PCDHGA6: variants seen among roughly 807,000 people sequenced by gnomAD.
PCDHGA6 encodes protocadherin gamma-A6.
PCDHGA6 carries 41 observed loss-of-function variants against 60.6 expected under a neutral mutation model. The observed-to-expected ratio is 0.68, with a 90% CI of 0.53 to 0.88. PCDHGA6 has a LOEUF of 0.88. Ranked by LOEUF, PCDHGA6 falls within the 40% of genes least tolerant of loss-of-function variation. The pLI, the probability that PCDHGA6 is intolerant of heterozygous loss-of-function variation, is 0.00. For missense variants in PCDHGA6, 1,312 were observed against 1,203.0 expected, an observed-to-expected ratio of 1.09 and a Z score of -1.34; for synonymous variants, 594 against 524.4, an observed-to-expected ratio of 1.13 and a Z score of -1.81.
chr5:141,448,122 C>A (rs1315243727), intron 1 of PCDHGA6, among the ~76,000 whole-genome samples: 1 of 151,820 alleles, frequency 6.6e-6, no homozygotes, highest in Non-Finnish European at 1.5e-5. Context: ...AAATTAGCCT[C>A]CCCCACCCTC....
At chr5:141,389,088 T>G (rs774714581) in intron 1 of PCDHGA6, 2 of 1,613,894 alleles carry the variant, frequency 1.2e-6, no homozygotes, top group Non-Finnish European at 1.7e-6. Context: ...CACGTATAAA[T>G]TAGTGACAGA....
At chr5:141,399,466 G>A (rs1229342978) in intron 1 of PCDHGA6, 5 of 1,613,886 alleles carry the variant, frequency 3.1e-6, no homozygotes, top group East Asian at 4.5e-5. Context: ...TAACGCTCCG[G>A]TTTTCCACCA....
intron 1 of PCDHGA6, chr5:141,403,454 C>T: frequency 6.2e-7 from 1 of 1,614,054 alleles, no homozygotes; most frequent in Non-Finnish European, 8.5e-7. Context: ...GAACTCCCTC[C>T]AGAGCTACCA....
chr5:141,445,584 G>A lies in PCDHGA6; in HGVS notation c.2425-49223G>A, dbSNP rs540956709. ...AGAAAGCTTATAGTAGGGAAGCTTC[G>A]CCTAATCTGAAGGTCAAGGAAGGCT... On this transcript the variant is annotated intron_variant, in intron 1 of 3. Transcript: ENST00000517434. Among the ~76,000 whole-genome samples, 116 of 152,286 alleles carry A rather than the reference G, an allele frequency of 7.6e-4. 2 individuals are homozygous for A. Among genetic ancestry groups the A allele is most frequent in the Non-Finnish European group, 2.4e-4 (16 of 68,024 alleles).
chr5:141,413,371 C>G (rs752898022), intron 1 of PCDHGA6: 1 of 1,613,966 alleles, frequency 6.2e-7, no homozygotes, highest in Non-Finnish European at 8.5e-7. Context: ...GCTGGCGGAG[C>G]GCGGAGTCCG....
chr5:141,414,588 G>A, intron 1 of PCDHGA6: 1 of 1,613,872 alleles, frequency 6.2e-7, no homozygotes, highest in Non-Finnish European at 8.5e-7. Flanking sequence ...ACAACGCCAG[G>A]GGTGCCTCCA....
intron 1 of PCDHGA6, among the ~76,000 whole-genome samples, chr5:141,468,198 G>A (rs992118435): frequency 9.2e-5 from 14 of 151,854 alleles, no homozygotes; most frequent in Admixed American, 7.2e-4. Context: ...GGTGGCGGGT[G>A]CCTGTAATTC....
At chr5:141,409,522 G>C in intron 1 of PCDHGA6, 4 of 1,613,992 alleles carry the variant, frequency 2.5e-6, no homozygotes, top group Non-Finnish European at 3.4e-6. Context: ...GCATCACCTT[G>C]TATGTCGCTG....
chr5:141,402,871 A>G, intron 1 of PCDHGA6: 1 of 1,452,626 alleles, frequency 6.9e-7, no homozygotes, highest in Non-Finnish European at 9.1e-7. Context: ...AAAGATCACC[A>G]TACTTTGCAG....
intron 1 of PCDHGA6, chr5:141,398,274 C>G (rs1323516270): frequency 7.1e-7 from 1 of 1,416,776 alleles, no homozygotes; most frequent in African/African-American, 1.5e-5. Context: ...TAGTGGGGAA[C>G]CTCGCCACGG....
chr5:141,399,396 G>A (rs2093799031), intron 1 of PCDHGA6: 1 of 1,613,842 alleles, frequency 6.2e-7, no homozygotes, highest in African/African-American at 1.3e-5. Flanking sequence ...CCACAGACAG[G>A]GGCAAGCCGC....
chr5:141,491,800 C>T lies in PCDHGA6; in HGVS notation c.2425-3007C>T. The T allele has an allele frequency of 6.7e-7, 1 of 1,500,854 alleles. No individual in the cohort carries two copies. Among genetic ancestry groups the T allele is most frequent in the Non-Finnish European group, 8.9e-7 (1 of 1,125,316 alleles). 93.0% of individuals were successfully genotyped at this position (1,500,854 alleles called of 1,614,324 possible). A position where few individuals can be genotyped will look rare whatever the true frequency, so the allele number is the denominator to read the frequency against. Reference sequence around the variant, plus strand: ...GAACTTGCATCCACTCCTCTCCGGCCGGCTTGGTCGCTGGCTGCGCTCCAC... The same window carrying T: ...GAACTTGCATCCACTCCTCTCCGGCTGGCTTGGTCGCTGGCTGCGCTCCAC... On this transcript the variant is annotated intron_variant, in intron 1 of 3. Transcript: ENST00000517434. The surrounding 1 kb of genome is among the most constrained non-coding windows in gnomAD (Gnocchi z 6.9).
rs781026604 is a variant in PCDHGA6, at chr5:141,490,471, C to A, written c.2425-4336C>A. The A allele has an allele frequency of 6.2e-7, 1 of 1,614,214 alleles. No individual in the cohort carries two copies. The highest frequency in any genetic ancestry group is 1.1e-5 in the South Asian group (1 of 91,088). On this transcript the variant is annotated intron_variant, in intron 1 of 3. Transcript: ENST00000517434. This position sits in a 1 kb window ranked among gnomAD's most constrained non-coding sequence, Gnocchi z 5.4. ...CCACTACTCGCTGCTAACCAGCCAGCCTTTGGACCGGGAGGCCACATCCCA... is the reference window on the plus strand; with the variant it reads ...CCACTACTCGCTGCTAACCAGCCAGACTTTGGACCGGGAGGCCACATCCCA...
chr5:141,385,984 T>C (rs75507773), intron 1 of PCDHGA6: 11 of 152,336 alleles, frequency 7.2e-5, no homozygotes, highest in African/African-American at 1.7e-4. Context: ...CAATAAAATA[T>C]GTCAAATAAA....
intron 1 of PCDHGA6, chr5:141,404,421 C>T (rs199749783): frequency 1.2e-6 from 2 of 1,613,574 alleles, no homozygotes; most frequent in Non-Finnish European, 1.7e-6. Flanking sequence ...GTTATTTACT[C>T]CTTGGCAGAG....
At chr5:141,501,287 T>C (rs1025193070) in intron 2 of PCDHGA6, among the ~76,000 whole-genome samples, 1 of 96,980 alleles carries the variant, frequency 1.0e-5, no homozygotes, top group African/African-American at 4.2e-5. Context: ...GGATATTCCC[T>C]TATACACACA....
Position 141,490,151 on chromosome 5 carries a change from T to A in PCDHGA6, c.2425-4656T>A, listed in dbSNP as rs1449636059. 6.2e-6 allele frequency: 10 copies of A among 1,614,210 alleles called. No homozygotes were observed. The highest frequency in any genetic ancestry group is 8.5e-6 in the Non-Finnish European group (10 of 1,180,018). On this transcript the variant is annotated intron_variant, in intron 1 of 3. Transcript: ENST00000517434. This position sits in a 1 kb window ranked among gnomAD's most constrained non-coding sequence, Gnocchi z 5.4. ...GACCCTAGCAGTGGGGCAATCCATG[T>A]GTTGGGTCCCATAGACTTTGAGGAG... is the stretch of plus-strand genomic sequence containing the variant.
At chr5:141,452,948 G>A (rs2098752873) in intron 1 of PCDHGA6, among the ~76,000 whole-genome samples, 1 of 152,134 alleles carries the variant, frequency 6.6e-6, no homozygotes, top group African/African-American at 2.4e-5. Context: ...CTTGCAATTG[G>A]TTGTCTTTAA....
rs1227250624 is a variant in PCDHGA6, at chr5:141,409,019, G to A, written c.2424+32512G>A. 4 of 1,613,996 alleles carry A rather than the reference G, an allele frequency of 2.5e-6. 1 individual carries two copies. Among genetic ancestry groups the A allele is most frequent in the Middle Eastern group, 3.3e-4 (2 of 6,062 alleles). On this transcript the variant is annotated intron_variant, in intron 1 of 3. Coordinates refer to ENST00000517434, the MANE Select transcript of PCDHGA6 (RefSeq NM_018919.3). ...GACAGCCACTGACCAGGATGAGGGG[G>A]TCAATGCTGAGATAAACTACTACTT...
Sources: gnomAD v4.1 joint callset for allele counts (sites outside exome capture counted in the v4.1 genomes callset) on GRCh38, gnomAD v4.1.1 for gene constraint, Gnocchi (gnomAD v3.1) non-coding constraint, MANE v1.5 for transcripts, NCBI Gene and HGNC (gene_info 2026-07-23, HGNC 2026-07-21) for gene names.